RIMKLB: variants seen among roughly 807,000 people sequenced by gnomAD.
The protein encoded by RIMKLB is ribosomal modification protein rimK like family member B.
Under a neutral mutation model 32.0 loss-of-function variants are expected in RIMKLB, and 7 were observed. The observed-to-expected ratio is 0.22, with a 90% CI of 0.12 to 0.41. The LOEUF (loss-of-function observed/expected upper bound fraction) is 0.41, where lower values mean the gene tolerates loss of function less well. Among genes scored for constraint, RIMKLB ranks in the 10% least tolerant of loss-of-function variants. The pLI, the probability that RIMKLB is intolerant of heterozygous loss-of-function variation, is 1.00. For synonymous variants in RIMKLB, 172 were observed against 185.1 expected (o/e 0.93, Z 0.57); for missense variants, 289 against 498.7 (o/e 0.58, Z 4.00).
intron 2 of RIMKLB, among the ~76,000 whole-genome samples, chr12:8,744,468 A>G (rs1427005834): frequency 2.6e-5 from 4 of 151,890 alleles, no homozygotes; most frequent in East Asian, 1.9e-4. Flanking sequence ...CCAGGTTAGC[A>G]TAATGACAAG....
At position 8,746,460 on chromosome 12, in the gene RIMKLB, C is replaced by T. The variant is rs537252304; in HGVS notation, c.176-3402C>T. Among the ~76,000 whole-genome samples, 14 of 151,344 alleles carry T rather than the reference C, an allele frequency of 9.3e-5. 1 individual carries two copies. Among genetic ancestry groups the T allele is most frequent in the African/African-American group, 2.4e-4 (10 of 40,956 alleles). On this transcript the variant is annotated intron_variant, in intron 2 of 5. Coordinates refer to ENST00000535829, the MANE Select transcript of RIMKLB (RefSeq NM_001297776.2). ...AAAAATACAAACAAGTAGCCGGGCG[C>T]GGTGGTGCATGCCTGTGGTCCCAGC...
chr12:8,681,550 G>A (rs1166648552), upstream of RIMKLB: 1 of 152,152 alleles, frequency 6.6e-6, no homozygotes, highest in African/African-American at 2.4e-5. Flanking sequence ...GGATGAAACT[G>A]CTCACGTAAA....
intron 5 of RIMKLB, among the ~76,000 whole-genome samples, chr12:8,757,521 G>T (rs1345287202): frequency 6.7e-6 from 1 of 148,346 alleles, no homozygotes; most frequent in East Asian, 2.0e-4. Context: ...CTTACAAAAA[G>T]GTATAAAGGA....
chr12:8,701,063 CA>C (rs11460312), intron 1 of RIMKLB, among the ~76,000 whole-genome samples: 1 of 148,226 alleles, frequency 6.7e-6, no homozygotes, highest in Non-Finnish European at 1.5e-5. Flanking sequence ...AAGACTGTCT[CA>C]AAAAAAAAGA....
intron 5 of RIMKLB, among the ~76,000 whole-genome samples, chr12:8,757,752 G>A (rs899859507): frequency 2.0e-5 from 3 of 151,970 alleles, no homozygotes; most frequent in African/African-American, 7.3e-5. Flanking sequence ...TTCTGGGTTA[G>A]CCCATTCACC....
intron 2 of RIMKLB, among the ~76,000 whole-genome samples, chr12:8,720,726 G>C (rs1591732805): frequency 6.6e-6 from 1 of 152,186 alleles, no homozygotes; most frequent in Non-Finnish European, 1.5e-5. Context: ...TTTTGGTAGA[G>C]ATGGGGTTTC....
chr12:8,697,250 G>T (rs781218805), upstream of RIMKLB: 3 of 152,286 alleles, frequency 2.0e-5, no homozygotes, highest in East Asian at 5.8e-4. Context: ...CTTCAGCCAG[G>T]AAATTTATCA....
chr12:8,761,672 G>A (rs2138010097), intron 5 of RIMKLB, among the ~76,000 whole-genome samples: 1 of 152,274 alleles, frequency 6.6e-6, no homozygotes, highest in African/African-American at 2.4e-5. Flanking sequence ...AAAGGTGAGT[G>A]CAGTCACCTC....
At chr12:8,726,094 C>T (rs1043757489) in intron 2 of RIMKLB, among the ~76,000 whole-genome samples, 14 of 152,200 alleles carry the variant, frequency 9.2e-5, no homozygotes, top group African/African-American at 1.9e-4. Flanking sequence ...GTGATCTGCC[C>T]GCCTCAGCAT....
intron 2 of RIMKLB, among the ~76,000 whole-genome samples, chr12:8,745,840 G>A (rs988076897): frequency 1.3e-5 from 2 of 149,046 alleles, no homozygotes; most frequent in East Asian, 2.0e-4. Context: ...GATTACAGGC[G>A]CCTGCCACCA....
At chr12:8,768,662 TTTC>T (rs1179101012) in intron 5 of RIMKLB, among the ~76,000 whole-genome samples, 2 of 152,218 alleles carry the variant, frequency 1.3e-5, no homozygotes, top group African/African-American at 4.8e-5. Context: ...GCCGTGAACC[TTTC>T]TCATCCTAGT....
At chr12:8,695,694 C>CTTTTT (rs397951288), upstream of RIMKLB, among the ~76,000 whole-genome samples, 1 of 132,762 alleles carries the variant, frequency 7.5e-6, no homozygotes, top group African/African-American at 2.8e-5. Flanking sequence ...TGAATAGCAA[C>CTTTTT]TTTTTTTTTT....
chr12:8,735,394 T>A (rs1055450533), intron 2 of RIMKLB, among the ~76,000 whole-genome samples: 1 of 152,196 alleles, frequency 6.6e-6, no homozygotes, highest in Non-Finnish European at 1.5e-5. Context: ...CATGCCCAGC[T>A]AATTTTTGTA....
At chr12:8,683,543 C>T (rs1392633754) in intron 1 of RIMKLB, among the ~76,000 whole-genome samples, 2 of 152,110 alleles carry the variant, frequency 1.3e-5, no homozygotes, top group Non-Finnish European at 2.9e-5. Context: ...CATTTGCCAT[C>T]TGTATATCTT....
chr12:8,714,460 C>G (rs750491354), intron 2 of RIMKLB, among the ~76,000 whole-genome samples: 36 of 152,192 alleles, frequency 2.4e-4, no homozygotes, highest in Admixed American at 5.9e-4. Flanking sequence ...TTATAAGGTG[C>G]TGCTAAGGAA....
At chr12:8,727,277 C>T (rs1946113123) in intron 2 of RIMKLB, among the ~76,000 whole-genome samples, 1 of 152,168 alleles carries the variant, frequency 6.6e-6, no homozygotes, top group African/African-American at 2.4e-5. Flanking sequence ...CTCTGTTGCC[C>T]AGGCTGGAGT....
At chr12:8,770,951 G>C (rs1374302476) in intron 5 of RIMKLB, among the ~76,000 whole-genome samples, 1 of 152,166 alleles carries the variant, frequency 6.6e-6, no homozygotes, top group East Asian at 1.9e-4. Flanking sequence ...CTTACATTGT[G>C]TTATCTGTAT....
the RIMKLB span, among the ~76,000 whole-genome samples, chr12:8,671,585 A>G: frequency 6.6e-5 from 10 of 151,316 alleles, no homozygotes; most frequent in African/African-American, 2.4e-4. Context: ...CAGGTTGCAA[A>G]TTTTCCAAAC....
rs770010654 is a variant in RIMKLB at position 8,774,282 on chromosome 12, T to C, written c.*498T>C. ...TTTCCTTATTAACTAGCAGCTTTAG[T>C]TTGTAGTTTATGAAATCTTGAGGGG... On this transcript the variant is annotated 3_prime_UTR_variant, in exon 6 of 6. Transcript: ENST00000535829. 22 of 983,236 alleles carry C rather than the reference T, an allele frequency of 2.2e-5. No individual in the cohort carries two copies. In the East Asian group the frequency reaches 1.5e-3, roughly 66 times the overall value. 60.9% of individuals were successfully genotyped at this position (983,236 alleles called of 1,614,324 possible).
Sources: allele counts gnomAD v4.1 joint callset (sites outside exome capture counted in the v4.1 genomes callset), GRCh38; gene constraint gnomAD v4.1.1; transcripts MANE v1.5; gene names NCBI Gene and HGNC (gene_info 2026-07-23, HGNC 2026-07-21).